The following TFEC variants were observed in gnomAD, a reference collection of about 807,000 sequenced individuals.
The protein encoded by TFEC is transcription factor EC, also known as class E basic helix-loop-helix protein 34.
In TFEC, 31 loss-of-function variants were observed where a neutral mutation model predicts 41.6. The ratio of observed to expected loss-of-function variants is 0.74; its 90% confidence interval spans 0.56 to 1.01. TFEC has a LOEUF of 1.01. TFEC is among the 50% of genes least tolerant of loss of function. The pLI, the probability that TFEC is intolerant of heterozygous loss-of-function variation, is 0.00. For synonymous variants in TFEC, 143 were observed against 140.6 expected, an observed-to-expected ratio of 1.02 and a Z score of -0.12; for missense variants, 402 against 404.1, an observed-to-expected ratio of 0.99 and a Z score of 0.04.
Position 116,132,208 on chromosome 7 carries a change from T to A in TFEC, c.-68-20170A>T, listed in dbSNP as rs113222067. ...AAAGTTGGCCTATAAGTCAAAGAAATGTATGTAATCAAAATTACTCATGGA... is the reference window on the plus strand; with the variant it reads ...AAAGTTGGCCTATAAGTCAAAGAAAAGTATGTAATCAAAATTACTCATGGA... On this transcript the variant is annotated intron_variant, in intron 1 of 8. Coordinates refer to the TFEC transcript ENST00000484212. Among the ~76,000 whole-genome samples the A allele has an allele frequency of 2.1e-3, 320 of 152,272 alleles. 1 individual carries two copies. The highest frequency in any genetic ancestry group is 6.8e-3 in the Middle Eastern group (2 of 294).
At chr7:116,064,432 T>C (rs1222810554) in intron 3 of TFEC, among the ~76,000 whole-genome samples, 1 of 151,630 alleles carries the variant, frequency 6.6e-6, no homozygotes, top group East Asian at 1.9e-4. Context: ...TGCAGTTTAT[T>C]CTATGTCAAT....
Position 116,135,953 on chromosome 7 carries a change from G to A in TFEC, c.-69+23837C>T, listed in dbSNP as rs561900971. On this transcript the variant is annotated intron_variant, in intron 1 of 8. Transcript: ENST00000484212. ...ATTGCTTTAGAAAATTAGCTTTTAGGGTTCTCTGCAAAGACTAGTTCCTCA... is the reference window on the plus strand; with the variant it reads ...ATTGCTTTAGAAAATTAGCTTTTAGAGTTCTCTGCAAAGACTAGTTCCTCA... Among the ~76,000 whole-genome samples, 4 of 152,016 alleles carry A rather than the reference G, an allele frequency of 2.6e-5. No homozygotes were observed. In the South Asian group the frequency reaches 8.3e-4, roughly 32 times the overall value.
At chr7:116,149,016 A>C (rs1798704116) in intron 1 of TFEC, among the ~76,000 whole-genome samples, 1 of 152,186 alleles carries the variant, frequency 6.6e-6, no homozygotes, top group Admixed American at 6.5e-5. Flanking sequence ...AAACCGAAAG[A>C]ATTATGGTGT....
chr7:116,123,682 G>T (rs1798154353), intron 1 of TFEC, among the ~76,000 whole-genome samples: 1 of 151,918 alleles, frequency 6.6e-6, no homozygotes, highest in South Asian at 2.1e-4. Flanking sequence ...AAACACAACT[G>T]CCCTTTTTAT....
chr7:116,011,354 T>C (rs539235459), intron 1 of TFEC, among the ~76,000 whole-genome samples: 1 of 152,312 alleles, frequency 6.6e-6, no homozygotes, highest in African/African-American at 2.4e-5. Flanking sequence ...TTTAATTTCA[T>C]GACCTCATAA....
At chr7:116,126,619 T>A (rs1295214579) in intron 1 of TFEC, among the ~76,000 whole-genome samples, 2 of 152,228 alleles carry the variant, frequency 1.3e-5, no homozygotes, top group African/African-American at 4.8e-5. Context: ...AAATGACTTT[T>A]AGTATATAAT....
At chr7:116,113,061 G>C (rs1328116997) in intron 1 of TFEC, among the ~76,000 whole-genome samples, 2 of 151,874 alleles carry the variant, frequency 1.3e-5, no homozygotes, top group Non-Finnish European at 2.9e-5. Flanking sequence ...AGAGAGTATT[G>C]CATGAAGACA....
rs1795983539 is a variant in TFEC at position 116,039,441 on chromosome 7, G to C, written c.199-54928C>G. 6.9e-5 allele frequency among the ~76,000 whole-genome samples: 7 copies of C among 101,884 alleles called. No homozygotes were observed. In the South Asian group the frequency reaches 2.0e-3, roughly 30 times the overall value. The allele number at this position is 101,884 out of a possible 152,430, so 66.8% of individuals were successfully genotyped here. A position where few individuals can be genotyped will look rare whatever the true frequency, so the allele number is the denominator to read the frequency against. ...AAATTCTGTGTGTGTGTGTGTGTGT[G>C]TGTGTGTGTCTGTGTGTGTGTGTGT... On this transcript the variant is annotated intron_variant, in intron 3 of 8. Coordinates refer to the TFEC transcript ENST00000484212.
At chr7:115,980,711 C>CT (rs1054471832) in intron 2 of TFEC, among the ~76,000 whole-genome samples, 77 of 151,966 alleles carry the variant, frequency 5.1e-4, no homozygotes, top group African/African-American at 1.8e-3. Context: ...GATTGTGCCA[C>CT]TGCACTCCAG....
intron 3 of TFEC, among the ~76,000 whole-genome samples, chr7:116,060,716 G>A (rs1796534470): frequency 6.6e-6 from 1 of 152,048 alleles, no homozygotes; most frequent in Non-Finnish European, 1.5e-5. Flanking sequence ...CATGAATGGG[G>A]AGATGGGAAG....
chr7:116,104,174 C>G (rs1055673833), intron 3 of TFEC, among the ~76,000 whole-genome samples: 8 of 152,000 alleles, frequency 5.3e-5, no homozygotes, highest in African/African-American at 1.7e-4. Flanking sequence ...CAAGACAGAC[C>G]CAGAAATGTA....
intron 3 of TFEC, among the ~76,000 whole-genome samples, chr7:116,045,633 A>G (rs1796145385): frequency 6.6e-6 from 1 of 152,202 alleles, no homozygotes; most frequent in African/African-American, 2.4e-5. Flanking sequence ...CTCAAGGAGA[A>G]CCTCTGCTAG....
chr7:116,051,079 T>C (rs1037139721), intron 3 of TFEC, among the ~76,000 whole-genome samples: 3 of 151,914 alleles, frequency 2.0e-5, no homozygotes, highest in Admixed American at 1.3e-4. Context: ...TCCTCGCTCA[T>C]AGGTGGGAAT....
intron 3 of TFEC, among the ~76,000 whole-genome samples, chr7:116,077,179 C>T (rs1796978640): frequency 6.6e-6 from 1 of 152,098 alleles, no homozygotes; most frequent in African/African-American, 2.4e-5. Context: ...TGAAACTAAG[C>T]TTCGTAAATG....
chr7:116,040,012 A>C (rs1795998810), intron 3 of TFEC, among the ~76,000 whole-genome samples: 1 of 152,138 alleles, frequency 6.6e-6, no homozygotes, highest in African/African-American at 2.4e-5. Context: ...AATCTAAAAA[A>C]TCTAGATGTG....
chr7:116,039,003 T>G (rs142876453), intron 3 of TFEC, among the ~76,000 whole-genome samples: 13 of 152,182 alleles, frequency 8.5e-5, no homozygotes, highest in African/African-American at 2.9e-4. Flanking sequence ...TTAAAGGTCC[T>G]GCAGGAAGTG....
At chr7:116,098,882 G>GGAAGGAAGGAT (rs1554419139) in intron 3 of TFEC, among the ~76,000 whole-genome samples, 2 of 139,238 alleles carry the variant, frequency 1.4e-5, no homozygotes, top group African/African-American at 6.0e-5. Context: ...AAGGAAGGAA[G>GGAAGGAAGGAT]GAAGGAAGGA....
At chr7:115,990,404 C>T (rs1037684519) in intron 1 of TFEC, among the ~76,000 whole-genome samples, 1 of 152,140 alleles carries the variant, frequency 6.6e-6, no homozygotes, top group Non-Finnish European at 1.5e-5. Flanking sequence ...GAGAAGAAGG[C>T]TTCAGAAGAT....
At chr7:116,065,782 T>C (rs908742176) in intron 3 of TFEC, among the ~76,000 whole-genome samples, 103 of 152,242 alleles carry the variant, frequency 6.8e-4, no homozygotes, top group Non-Finnish European at 1.2e-3. Context: ...GACTTTTAAT[T>C]ACAGCACATT....
Sources: gnomAD v4.1 joint callset for allele counts (sites outside exome capture counted in the v4.1 genomes callset) on GRCh38, gnomAD v4.1.1 for gene constraint, MANE v1.5 for transcripts, NCBI Gene and HGNC (gene_info 2026-07-23, HGNC 2026-07-21) for gene names.